The following ADRA1B variants were observed in gnomAD, a reference collection of about 807,000 sequenced individuals.
The protein encoded by ADRA1B is alpha-1B adrenergic receptor.
A neutral mutation model predicts 17.9 loss-of-function variants in ADRA1B; 17 were observed. The observed-to-expected ratio is 0.95, with a 90% CI of 0.65 to 1.42. The LOEUF is 1.42. Among genes scored for constraint, ADRA1B ranks in the 40% most tolerant of loss-of-function variants. The probability of loss-of-function intolerance (pLI) is 0.00; values close to 1 mark genes in which losing one functional copy is unlikely to be tolerated. For missense variants in ADRA1B, 681 were observed against 722.1 expected (o/e 0.94, Z 0.65); for synonymous variants, 366 against 327.6 (o/e 1.12, Z -1.27).
At chr5:159,875,283 AC>A (rs1301735776) in intron 1 of ADRA1B, among the ~76,000 whole-genome samples, 1 of 152,122 alleles carries the variant, frequency 6.6e-6, no homozygotes, top group African/African-American at 2.4e-5. Context: ...ATGTCAGGAC[AC>A]AGTTATATCC....
At chr5:159,865,194 A>C (rs1348456890) in exon 1 of ADRA1B, 1 of 152,208 alleles carries the variant, frequency 6.6e-6, no homozygotes, top group Non-Finnish European at 1.5e-5. Flanking sequence ...TTTGGAATGA[A>C]GGAGCACTTT....
chr5:159,949,074 C>G (rs1004457248), intron 1 of ADRA1B, among the ~76,000 whole-genome samples: 2 of 152,178 alleles, frequency 1.3e-5, no homozygotes, highest in African/African-American at 4.8e-5. Context: ...CACTTAACCA[C>G]TAAGACAAAT....
intron 1 of ADRA1B, among the ~76,000 whole-genome samples, chr5:159,874,488 A>G (rs931360073): frequency 1.3e-5 from 2 of 151,968 alleles, no homozygotes; most frequent in Non-Finnish European, 2.9e-5. Flanking sequence ...ATTATTCATG[A>G]CTTCATTGAC....
chr5:159,945,778 T>C (rs765562082), intron 1 of ADRA1B, among the ~76,000 whole-genome samples: 79 of 151,508 alleles, frequency 5.2e-4, no homozygotes, highest in South Asian at 1.3e-3. Context: ...GACGGAGTCT[T>C]GCTCTGTTGC....
upstream of ADRA1B, among the ~76,000 whole-genome samples, chr5:159,912,965 C>T (rs998609448): frequency 2.0e-5 from 3 of 152,206 alleles, no homozygotes; most frequent in Non-Finnish European, 4.4e-5. Context: ...AGAGTACATG[C>T]ATCTCTATAT....
chr5:159,983,389 G>C, the ADRA1B span, among the ~76,000 whole-genome samples: 1 of 152,218 alleles, frequency 6.6e-6, no homozygotes, highest in Non-Finnish European at 1.5e-5. Flanking sequence ...GATGCCTTCT[G>C]TTAGGATTCA....
chr5:159,935,548 C>T (rs1754929877), intron 1 of ADRA1B, among the ~76,000 whole-genome samples: 2 of 151,734 alleles, frequency 1.3e-5, no homozygotes, highest in Admixed American at 6.6e-5. Context: ...TTCTTCTATA[C>T]AATTTTTTTT....
chr5:159,905,123 G>C (rs1203058920), intron 1 of ADRA1B, among the ~76,000 whole-genome samples: 1 of 152,232 alleles, frequency 6.6e-6, no homozygotes, highest in African/African-American at 2.4e-5. Flanking sequence ...GAGAACAAAA[G>C]GTTAGAAAAG....
intron 1 of ADRA1B, among the ~76,000 whole-genome samples, chr5:159,949,667 T>C (rs1370753972): frequency 1.3e-5 from 2 of 152,180 alleles, no homozygotes; most frequent in Admixed American, 6.5e-5. Flanking sequence ...CCAGGCACTA[T>C]AACAGTGTAT....
downstream of ADRA1B, among the ~76,000 whole-genome samples, chr5:159,974,939 G>A (rs778122853): frequency 5.3e-5 from 8 of 152,104 alleles, no homozygotes; most frequent in Non-Finnish European, 1.0e-4. Flanking sequence ...TCTTTGTCCA[G>A]TACCTTTTAC....
intron 1 of ADRA1B, among the ~76,000 whole-genome samples, chr5:159,911,100 G>T (rs1159174760): frequency 6.6e-6 from 1 of 152,130 alleles, no homozygotes; most frequent in Non-Finnish European, 1.5e-5. Context: ...AAGGTCATGG[G>T]GCAAACGGCT....
At chr5:159,875,869 G>C (rs1247994203) in intron 1 of ADRA1B, among the ~76,000 whole-genome samples, 1 of 151,228 alleles carries the variant, frequency 6.6e-6, no homozygotes, top group Admixed American at 6.6e-5. Context: ...GGTATAGATG[G>C]AACAGCATAC....
intron 1 of ADRA1B, among the ~76,000 whole-genome samples, chr5:159,883,549 T>C (rs959730406): frequency 1.3e-5 from 2 of 152,196 alleles, no homozygotes; most frequent in Admixed American, 1.3e-4. Flanking sequence ...TGTTCCCCAC[T>C]GGTTCTCCTA....
intron 1 of ADRA1B, among the ~76,000 whole-genome samples, chr5:159,957,132 A>G (rs1755570538): frequency 6.6e-6 from 1 of 152,158 alleles, no homozygotes; most frequent in African/African-American, 2.4e-5. Context: ...TTGGCCTCCC[A>G]AAGTGCTGGA....
At chr5:159,944,069 A>T (rs927094972) in intron 1 of ADRA1B, among the ~76,000 whole-genome samples, 3 of 152,230 alleles carry the variant, frequency 2.0e-5, no homozygotes, top group East Asian at 3.8e-4. Flanking sequence ...TTTGTATCAC[A>T]TCTTACAGAG....
intron 1 of ADRA1B, 26 bp from the exon 2 acceptor site, chr5:159,971,853 C>CGGGGGGCGGGGGGGGGGGGGGGGGGGG: frequency 7.7e-7 from 1 of 1,305,876 alleles, no homozygotes; most frequent in Non-Finnish European, 9.8e-7. Context: ...TCTTTCTGCC[C>CGGGGGGCGGGGGGGGGGGGGGGGGGGG]GTGCCCACCC....
chr5:159,923,516 G>A (rs1754550828), intron 1 of ADRA1B, among the ~76,000 whole-genome samples: 1 of 152,258 alleles, frequency 6.6e-6, no homozygotes, highest in South Asian at 2.1e-4. Flanking sequence ...GGGTTTCTAA[G>A]TAGATGGAGG....
intron 1 of ADRA1B, among the ~76,000 whole-genome samples, chr5:159,921,543 G>T (rs546197181): frequency 6.6e-6 from 1 of 152,096 alleles, no homozygotes; most frequent in Non-Finnish European, 1.5e-5. Flanking sequence ...ATGCAGGGCC[G>T]GTAGCAGGAA....
chr5:159,973,438 G>A (rs1350233177), downstream of ADRA1B, among the ~76,000 whole-genome samples: 5 of 152,210 alleles, frequency 3.3e-5, no homozygotes, highest in Non-Finnish European at 7.3e-5. Context: ...AAATGGGCCT[G>A]TTTCCTGAGA....
Sources: gnomAD v4.1 joint callset for allele counts (sites outside exome capture counted in the v4.1 genomes callset) on GRCh38, gnomAD v4.1.1 for gene constraint, MANE v1.5 for transcripts, NCBI Gene and HGNC (gene_info 2026-07-23, HGNC 2026-07-21) for gene names.